LY6G6C: variants seen among roughly 807,000 people sequenced by gnomAD.
LY6G6C encodes the protein lymphocyte antigen 6 complex locus protein G6c.
In LY6G6C, 12 loss-of-function variants were observed where a neutral mutation model predicts 12.8. The ratio of observed to expected loss-of-function variants is 0.94; its 90% CI spans 0.60 to 1.52. The LOEUF is 1.52. LY6G6C is among the 40% of genes most tolerant of loss of function. The pLI is 0.00. For missense variants in LY6G6C, 125 were observed against 155.8 expected (o/e 0.80, Z 1.05); for synonymous variants, 42 against 61.6 (o/e 0.68, Z 1.49).
rs1402445137 is a variant in LY6G6C at position 31,718,845 on chromosome 6, A to T, written c.*251T>A. The T allele has an allele frequency of 1.8e-6, 1 of 567,096 alleles. No individual in the cohort carries two copies. Among genetic ancestry groups the T allele is most frequent in the Non-Finnish European group, 3.1e-6 (1 of 318,256 alleles). 35.1% of individuals were successfully genotyped at this position (567,096 alleles called of 1,614,324 possible). On this transcript the variant is annotated 3_prime_UTR_variant, in exon 3 of 3. Coordinates refer to ENST00000375819, the MANE Select transcript of LY6G6C (RefSeq NM_025261.3). The stretch of plus-strand genomic sequence containing the variant: ...CTCCTCAAGTAGGGGACAGCAGAGT[A>T]TAGGAAGCAAAGTGGGGAGCCCTTC...
chr6:31,721,180 T>G, intron 1 of LY6G6C: 1 of 168,090 alleles, frequency 5.9e-6, no homozygotes. Context: ...ATGGAGTAGA[T>G]GGGGAGGGTA....
At position 31,719,111 on chromosome 6, in the gene LY6G6C, G is replaced by C. The variant is rs148130701; in HGVS notation, c.363C>G (p.Leu121=). ...VFLTSLAGLG[L]WLLH ...GGAATGAGTCTCAGTGCAGCAGCCAGAGGCCAAGGCCAGCCAAGGAGGTAA... is the reference window on the plus strand; with the variant it reads ...GGAATGAGTCTCAGTGCAGCAGCCACAGGCCAAGGCCAGCCAAGGAGGTAA... The change falls in exon 3 of 3, where the codon CTC becomes CTG. Residue 121 remains leucine, a synonymous_variant. Coordinates refer to ENST00000375819, the MANE Select transcript of LY6G6C (RefSeq NM_025261.3). The C allele has an allele frequency of 1.2e-6, 2 of 1,613,740 alleles. No individual in the cohort carries two copies. Among genetic ancestry groups the C allele is most frequent in the African/African-American group, 2.7e-5 (2 of 75,046 alleles).
chr6:31,721,574 G>T (rs1252309104), intron 1 of LY6G6C, 54 bp downstream of exon 1: 23 of 1,546,196 alleles, frequency 1.5e-5, no homozygotes, highest in Non-Finnish European at 2.0e-5. Flanking sequence ...GGTAGAGCAG[G>T]GTGTAAAGGT....
At chr6:31,719,975 T>C (rs1806697080) in intron 2 of LY6G6C, 118 bp downstream of exon 2, 1 of 677,830 alleles carries the variant, frequency 1.5e-6, no homozygotes, top group South Asian at 2.0e-5. Context: ...TTTGGCCAAA[T>C]ATTATCATTG....
chr6:31,719,108 C>G lies in LY6G6C; in HGVS notation c.366G>C (p.Trp122Cys). 1 of 1,613,642 alleles carries G rather than the reference C, an allele frequency of 6.2e-7. No individual in the cohort carries two copies. The highest frequency in any genetic ancestry group is 8.5e-7 in the Non-Finnish European group (1 of 1,179,616). Reference protein sequence around the residue: ...FLTSLAGLGLWLLH With the variant: ...FLTSLAGLGLCLLH ...AATGGAATGAGTCTCAGTGCAGCAG[C>G]CAGAGGCCAAGGCCAGCCAAGGAGG... Residue 122 changes from tryptophan to cysteine, a missense_variant, in exon 3 of 3, where the codon TGG (tryptophan) becomes TGC (cysteine). Trp to Cys is a radical substitution (Grantham distance 215). Transcript: ENST00000375819.
intron 2 of LY6G6C, among the ~76,000 whole-genome samples, chr6:31,719,658 T>A (rs1460864812): frequency 6.6e-6 from 1 of 152,164 alleles, no homozygotes; most frequent in East Asian, 1.9e-4. Context: ...TGCCTCAGCC[T>A]CCCGAGTAGC....
intron 2 of LY6G6C, 62 bp from the exon 3 acceptor site, chr6:31,719,372 T>A (rs1178562247): frequency 7.0e-7 from 1 of 1,437,152 alleles, no homozygotes; most frequent in African/African-American, 1.4e-5. Flanking sequence ...TGTGTCCACC[T>A]CCCCACCCCA....
At chr6:31,721,536 C>G in intron 1 of LY6G6C, 92 bp downstream of exon 1, 1 of 1,218,896 alleles carries the variant, frequency 8.2e-7, no homozygotes, top group Non-Finnish European at 1.2e-6. Flanking sequence ...GTGTTGGGAT[C>G]CCGAGTGGTG....
Position 31,719,238 on chromosome 6 carries a change from GT to G in LY6G6C, c.235del (p.Thr79ProfsTer7), listed in dbSNP as rs771907268. On this transcript the variant is annotated frameshift_variant, in exon 3 of 3. Coordinates refer to ENST00000375819, the MANE Select transcript of LY6G6C (RefSeq NM_025261.3). LOFTEE classifies it high-confidence loss of function. ...EEPCQEAFNQ[T>X]NRKLGLTYNT... ...ATATGTCAGACCCAGCTTGCGGTTGGTTTGGTTGAAGGCCTCCTGACAGGGC... is the reference window on the plus strand; with the variant it reads ...ATATGTCAGACCCAGCTTGCGGTTGGTTGGTTGAAGGCCTCCTGACAGGGC... The G allele has an allele frequency of 7.4e-6, 12 of 1,614,088 alleles. No homozygotes were observed. Among genetic ancestry groups the G allele is most frequent in the Non-Finnish European group, 9.3e-6 (11 of 1,180,042 alleles).
At position 31,718,999 on chromosome 6, in the gene LY6G6C, G is replaced by T; in HGVS notation, c.*97C>A. On this transcript the variant is annotated 3_prime_UTR_variant, in exon 3 of 3. Transcript: ENST00000375819. ...TGTTTAATTAAAGAAATGGGAGCTAGGGAGAGACGATTCTGTAAAGCCAGG... is the reference window on the plus strand; with the variant it reads ...TGTTTAATTAAAGAAATGGGAGCTATGGAGAGACGATTCTGTAAAGCCAGG... 2.0e-6 allele frequency: 2 copies of T among 1,024,024 alleles called. No individual in the cohort carries two copies. The highest frequency in any genetic ancestry group is 4.8e-5 in the East Asian group (2 of 41,870). The allele number at this position is 1,024,024 out of a possible 1,614,324, so 63.4% of individuals were successfully genotyped here. A position where few individuals can be genotyped will look rare whatever the true frequency, so the allele number is the denominator to read the frequency against.
chr6:31,719,993 C>T, intron 2 of LY6G6C, 100 bp downstream of exon 2: 1 of 747,918 alleles, frequency 1.3e-6, no homozygotes, highest in Non-Finnish European at 2.3e-6. Flanking sequence ...TTGCTATAAT[C>T]CTCTGCTTCT....
intron 1 of LY6G6C, 100 bp downstream of exon 1, chr6:31,721,528 G>T (rs1583810610): frequency 1.4e-5 from 15 of 1,110,172 alleles, no homozygotes; most frequent in Non-Finnish European, 2.0e-5. Context: ...GGCTGGGGGT[G>T]TTGGGATCCC....
At chr6:31,721,268 G>T (rs1192749992) in intron 1 of LY6G6C, among the ~76,000 whole-genome samples, 1 of 152,164 alleles carries the variant, frequency 6.6e-6, no homozygotes, top group Non-Finnish European at 1.5e-5. Flanking sequence ...TAGAGGAGAA[G>T]GCAGGTAAGC....
Position 31,719,253 on chromosome 6 carries a change from T to A in LY6G6C, c.221A>T (p.Glu74Val). The A allele has an allele frequency of 1.9e-6, 3 of 1,614,174 alleles. No homozygotes were observed. The highest frequency in any genetic ancestry group is 2.5e-6 in the Non-Finnish European group (3 of 1,180,018). Residue 74 changes from glutamate (E) to valine (V), a missense_variant, in exon 3 of 3, where the codon GAG becomes GTG. By Grantham distance (121) the Glu-to-Val change is moderately radical. Transcript: ENST00000375819. ...RCGTPEEPCQ[E>V]AFNQTNRKLG... Reference sequence around the variant, plus strand: ...CTTGCGGTTGGTTTGGTTGAAGGCCTCCTGACAGGGCTCTTCTGGTGTGCC... The same window carrying A: ...CTTGCGGTTGGTTTGGTTGAAGGCCACCTGACAGGGCTCTTCTGGTGTGCC...
rs1022540923 is a variant in LY6G6C, at chr6:31,719,228, C to CT, written c.245dup (p.Leu83AlafsTer6). On this transcript the variant is annotated frameshift_variant, in exon 3 of 3. Transcript: ENST00000375819. LOFTEE classifies it high-confidence loss of function. ...AGGTGGTGTTATATGTCAGACCCAGCTTGCGGTTGGTTTGGTTGAAGGCCT... is the reference window on the plus strand; with the variant it reads ...AGGTGGTGTTATATGTCAGACCCAGCTTTGCGGTTGGTTTGGTTGAAGGCCT... 4.3e-6 allele frequency: 7 copies of CT among 1,614,082 alleles called. No homozygotes were observed. The African/African-American group carries it at 8.0e-5, about 18-fold the overall frequency.
chr6:31,721,291 A>G (rs1806766702), intron 1 of LY6G6C, among the ~76,000 whole-genome samples: 1 of 152,038 alleles, frequency 6.6e-6, no homozygotes, highest in Non-Finnish European at 1.5e-5. Flanking sequence ...GACTCTGGAG[A>G]GTTGCATATT....
intron 2 of LY6G6C, 26 bp from the exon 3 acceptor site, chr6:31,719,336 C>T (rs529026528): frequency 2.1e-5 from 34 of 1,607,242 alleles, no homozygotes; most frequent in South Asian, 1.6e-4. Context: ...GGCAGGGAAT[C>T]GGCCAGGATG....
At chr6:31,721,564 G>A (rs1193515642) in intron 1 of LY6G6C, 64 bp downstream of exon 1, 1 of 1,499,764 alleles carries the variant, frequency 6.7e-7, no homozygotes, top group African/African-American at 1.4e-5. Context: ...CCGGGAAGTG[G>A]GTAGAGCAGG....
rs201393795 is a variant in LY6G6C, at chr6:31,720,151, G to A, written c.105C>T (p.Asp35=). ...CTGGCTCCAGGCGGCAGGACTGCCGGTCCACACAGCCCAGCACAGGGACCT... is the reference window on the plus strand; with the variant it reads ...CTGGCTCCAGGCGGCAGGACTGCCGATCCACACAGCCCAGCACAGGGACCT... ...CYKVPVLGCV[D]RQSCRLEPGQ... is the part of the protein sequence containing the mutation. Residue 35 remains aspartate (D), a synonymous_variant, in exon 2 of 3, where the codon GAC becomes GAT. Transcript: ENST00000375819. The surrounding 1 kb of genome is among the most constrained non-coding windows in gnomAD (Gnocchi z 4.9). 9.9e-5 allele frequency: 159 copies of A among 1,612,962 alleles called. No individual in the cohort carries two copies. In the Middle Eastern group the frequency reaches 1.6e-3, roughly 17 times the overall value.
Sources: gnomAD v4.1 joint callset for allele counts (sites outside exome capture counted in the v4.1 genomes callset) on GRCh38, gnomAD v4.1.1 for gene constraint, Gnocchi (gnomAD v3.1) non-coding constraint, MANE v1.5 for transcripts, NCBI Gene and HGNC (gene_info 2026-07-23, HGNC 2026-07-21) for gene names.